Variants in FMN1 observed in about 807,000 individuals in gnomAD.
FMN1 encodes formin-1.
Under a neutral mutation model 132.4 loss-of-function variants are expected in FMN1, and 110 were observed. That is an observed-to-expected ratio of 0.83 (90% CI 0.71 to 0.97). The LOEUF (loss-of-function observed/expected upper bound fraction) is 0.97. Ranked by LOEUF, FMN1 falls within the 50% of genes least tolerant of loss-of-function variation. FMN1 has a pLI of 0.00. For synonymous variants in FMN1, 722 were observed against 651.7 expected, an observed-to-expected ratio of 1.11 and a Z score of -1.64; for missense variants, 1,792 against 1,705.3, an observed-to-expected ratio of 1.05 and a Z score of -0.90.
chr15:33,155,063 G>C lies in FMN1; in HGVS notation c.-131-18C>G. Reference sequence around the variant, plus strand: ...GAGACTGCCTGTTAGAGGAACAGGGGAAGAAAGCAGCTTGTCTAACAGAGT... The same window carrying C: ...GAGACTGCCTGTTAGAGGAACAGGGCAAGAAAGCAGCTTGTCTAACAGAGT... On this transcript the variant is annotated intron_variant, in intron 3 of 20. Transcript: ENST00000616417. 1.6e-6 allele frequency: 1 copy of C among 623,964 alleles called. No individual in the cohort carries two copies. The highest frequency in any genetic ancestry group is 2.8e-6 in the Non-Finnish European group (1 of 360,950). 38.7% of individuals were successfully genotyped at this position (623,964 alleles called of 1,614,324 possible).
intron 17 of FMN1, among the ~76,000 whole-genome samples, chr15:32,806,900 A>AC (rs1181666955): frequency 1.3e-5 from 2 of 151,892 alleles, no homozygotes; most frequent in African/African-American, 4.8e-5. Flanking sequence ...CTCTACCCCT[A>AC]CCTTCCTTCC....
intron 4 of FMN1, among the ~76,000 whole-genome samples, chr15:33,103,042 G>C (rs944350064): frequency 6.6e-6 from 1 of 152,062 alleles, no homozygotes; most frequent in Non-Finnish European, 1.5e-5. Context: ...GCCTTCTCCA[G>C]TACCAGGCAC....
chr15:32,986,208 C>T (rs1338452403), intron 7 of FMN1, among the ~76,000 whole-genome samples: 3 of 152,092 alleles, frequency 2.0e-5, no homozygotes, highest in Non-Finnish European at 4.4e-5. Context: ...TGGAGCTGCA[C>T]TTGTTTCATG....
rs565554380 is a variant in FMN1 at position 33,165,207 on chromosome 15, C to T, written c.-131-10162G>A. The stretch of plus-strand genomic sequence containing the variant: ...GTAGTTAGTAAGACAAAGAGAGCTT[C>T]CTTTTCAAATATCGGGAGTATCTTT... On this transcript the variant is annotated intron_variant, in intron 3 of 20. Coordinates refer to ENST00000616417, the MANE Select transcript of FMN1 (RefSeq NM_001277313.2). 2.2e-4 allele frequency among the ~76,000 whole-genome samples: 33 copies of T among 152,320 alleles called. 1 individual carries two copies. Among genetic ancestry groups the T allele is most frequent in the Middle Eastern group, 6.8e-3 (2 of 294 alleles).
chr15:33,052,451 GA>G (rs2037020472), intron 6 of FMN1, among the ~76,000 whole-genome samples: 1 of 152,122 alleles, frequency 6.6e-6, no homozygotes, highest in Non-Finnish European at 1.5e-5. Context: ...ACACAAAAAG[GA>G]AAACAGTTAC....
chr15:32,978,259 A>C (rs187781465), intron 7 of FMN1, among the ~76,000 whole-genome samples: 130 of 152,358 alleles, frequency 8.5e-4, no homozygotes, highest in Non-Finnish European at 1.7e-3. Flanking sequence ...GTAGCAGGAA[A>C]GTAAAACAGA....
chr15:33,044,903 G>C (rs943496063), intron 6 of FMN1, among the ~76,000 whole-genome samples: 3 of 152,220 alleles, frequency 2.0e-5, no homozygotes, highest in Admixed American at 6.5e-5. Flanking sequence ...CCTGTTGTGA[G>C]ACAAGAACTT....
chr15:32,808,209 C>G, intron 17 of FMN1, among the ~76,000 whole-genome samples: 1 of 152,208 alleles, frequency 6.6e-6, no homozygotes, highest in Non-Finnish European at 1.5e-5. Context: ...CCAAGTGAAG[C>G]AGAAATGGCT....
At chr15:33,126,095 G>A (rs891425863) in intron 4 of FMN1, among the ~76,000 whole-genome samples, 4 of 152,162 alleles carry the variant, frequency 2.6e-5, no homozygotes, top group South Asian at 2.1e-4. Context: ...AAAGCACTGT[G>A]TAAATGTTAC....
intron 19 of FMN1, among the ~76,000 whole-genome samples, chr15:32,782,445 TAAAC>T (rs935800164): frequency 1.2e-4 from 19 of 152,216 alleles, no homozygotes; most frequent in South Asian, 2.1e-4. Flanking sequence ...GATTAAGTCT[TAAAC>T]AAGGAAAAAG....
rs62000399 is a variant in FMN1 at position 33,088,844 on chromosome 15, C to T, written c.1998G>A (p.Glu666=). The T allele has an allele frequency of 2.2e-3, 3,313 of 1,535,868 alleles. 59 individuals carry two copies. In the African/African-American group the frequency reaches 0.041, roughly 19 times the overall value. The change falls in exon 5 of 21, where the codon GAG becomes GAA. Residue 666 remains glutamate, a synonymous_variant. Coordinates refer to ENST00000616417, the MANE Select transcript of FMN1 (RefSeq NM_001277313.2). Reference sequence around the variant, plus strand: ...CGCTCCTGTTTGACTTCTCCCTTTCCTCATGAAGCAAAAATGGACAGGCTG... The same window carrying T: ...CGCTCCTGTTTGACTTCTCCCTTTCTTCATGAAGCAAAAATGGACAGGCTG... ...AGPACPFLLH[E]EREKSNRSEL...
chr15:33,175,793 C>T lies in FMN1; in HGVS notation c.-132+4405G>A, dbSNP rs529000500. 3.9e-5 allele frequency among the ~76,000 whole-genome samples: 6 copies of T among 152,278 alleles called. No individual in the cohort carries two copies. The East Asian group carries it at 7.7e-4, about 20-fold the overall frequency. ...GGATGCCAAAATCATCCAAGAAATT[C>T]TCACCCATATATTGTTCCCTTCAAA... On this transcript the variant is annotated intron_variant, in intron 3 of 20. Transcript: ENST00000616417.
In FMN1 at chr15:32,897,769, A is replaced by G. The variant is rs61602869; in HGVS notation, c.3714+1065T>C. On this transcript the variant is annotated intron_variant, in intron 15 of 20. Transcript: ENST00000616417. ...CCTCGAAATAGAGAGCTGAGCTGGA[A>G]AGCAAGTGAAATTCTCCAAGTGAGT... Among the ~76,000 whole-genome samples the G allele has an allele frequency of 4.9e-3, 751 of 152,006 alleles. 7 individuals are homozygous for G. The highest frequency in any genetic ancestry group is 0.017 in the African/African-American group (713 of 41,378).
intron 7 of FMN1, among the ~76,000 whole-genome samples, chr15:32,996,579 A>G (rs1274180739): frequency 6.6e-6 from 1 of 152,218 alleles, no homozygotes; most frequent in East Asian, 1.9e-4. Context: ...ATAATGGTGT[A>G]ATAGCTCATT....
At chr15:33,140,721 CAT>C (rs1323975079) in intron 4 of FMN1, among the ~76,000 whole-genome samples, 2 of 152,108 alleles carry the variant, frequency 1.3e-5, no homozygotes, top group Non-Finnish European at 2.9e-5. Context: ...GAAAAAATGA[CAT>C]GTGTGCTAGG....
chr15:32,890,555 T>C (rs1272706733), intron 15 of FMN1, among the ~76,000 whole-genome samples: 3 of 152,234 alleles, frequency 2.0e-5, no homozygotes, highest in Non-Finnish European at 4.4e-5. Flanking sequence ...TGTTGGCCAT[T>C]TGTATATCTT....
At chr15:33,010,780 A>G (rs1343428448) in intron 6 of FMN1, among the ~76,000 whole-genome samples, 1 of 152,144 alleles carries the variant, frequency 6.6e-6, no homozygotes, top group Non-Finnish European at 1.5e-5. Context: ...TAGCAGTTTA[A>G]AAAAGAAAAG....
chr15:33,071,963 C>T (rs1397754932), intron 5 of FMN1, among the ~76,000 whole-genome samples: 1 of 152,114 alleles, frequency 6.6e-6, no homozygotes, highest in African/African-American at 2.4e-5. Flanking sequence ...CCAGCAGAAG[C>T]GAAGGCTTTC....
intron 4 of FMN1, among the ~76,000 whole-genome samples, chr15:33,108,251 T>G (rs1387035749): frequency 6.6e-6 from 1 of 151,958 alleles, no homozygotes; most frequent in African/African-American, 2.4e-5. Context: ...AAAGAAAAGA[T>G]ATGAAACTCA....
Sources: gnomAD v4.1 joint callset for allele counts (sites outside exome capture counted in the v4.1 genomes callset) on GRCh38, gnomAD v4.1.1 for gene constraint, MANE v1.5 for transcripts, NCBI Gene and HGNC (gene_info 2026-07-23, HGNC 2026-07-21) for gene names.